Variants in THSD7A observed in about 807,000 individuals in gnomAD.
THSD7A encodes the protein thrombospondin type 1 domain containing 7A, also known as thrombospondin type-1 domain-containing protein 7A.
In THSD7A, 96 loss-of-function variants were observed where a neutral mutation model predicts 231.3. The observed-to-expected ratio is 0.41, with a 90% CI of 0.35 to 0.49. THSD7A has a LOEUF of 0.49. Ranked by LOEUF, THSD7A falls within the 20% of genes least tolerant of loss-of-function variation. The probability of loss-of-function intolerance (pLI) is 0.05; values close to 1 mark genes in which losing one functional copy is unlikely to be tolerated. For synonymous variants in THSD7A, 940 were observed against 743.3 expected, an observed-to-expected ratio of 1.26 and a Z score of -4.30; for missense variants, 2,290 against 2,070.2, an observed-to-expected ratio of 1.11 and a Z score of -2.06.
At chr7:11,731,214 AT>A (rs952415037) in intron 1 of THSD7A, among the ~76,000 whole-genome samples, 24 of 151,444 alleles carry the variant, frequency 1.6e-4, no homozygotes, top group African/African-American at 5.8e-4. Flanking sequence ...CTGTTGCCCT[AT>A]TACAGACATT....
chr7:11,670,417 A>C (rs1783337250), intron 1 of THSD7A, among the ~76,000 whole-genome samples: 2 of 152,228 alleles, frequency 1.3e-5, no homozygotes, highest in Admixed American at 1.3e-4. Context: ...ATCTGGTTGG[A>C]GCCCGAGTTC....
At chr7:11,597,425 C>T (rs1270208414) in intron 2 of THSD7A, among the ~76,000 whole-genome samples, 1 of 152,154 alleles carries the variant, frequency 6.6e-6, no homozygotes, top group Non-Finnish European at 1.5e-5. Flanking sequence ...CAGGAGAAGG[C>T]TCTGCAATGG....
intron 1 of THSD7A, among the ~76,000 whole-genome samples, chr7:11,645,459 T>G (rs773181672): frequency 6.6e-6 from 1 of 151,916 alleles, no homozygotes; most frequent in Non-Finnish European, 1.5e-5. Context: ...GATTAATAAG[T>G]ACACATGTAT....
chr7:11,436,588 A>G (rs916834854), intron 13 of THSD7A, among the ~76,000 whole-genome samples: 5 of 152,068 alleles, frequency 3.3e-5, no homozygotes, highest in Non-Finnish European at 1.5e-5. Context: ...TCACTGGACT[A>G]GAGAAATAGA....
Position 11,429,889 on chromosome 7 carries a change from C to T in THSD7A, c.3065-764G>A, listed in dbSNP as rs1370581168. 3.3e-5 allele frequency among the ~76,000 whole-genome samples: 5 copies of T among 152,140 alleles called. 1 individual carries two copies. The highest frequency in any genetic ancestry group is 2.1e-4 in the South Asian group (1 of 4,828). On this transcript the variant is annotated intron_variant, in intron 13 of 27. Transcript: ENST00000423059. Reference sequence around the variant, plus strand: ...ATTCCATCAAATCATCCAACCAATTCGATTAATAGTGCACAGATTTGTTTT... The same window carrying T: ...ATTCCATCAAATCATCCAACCAATTTGATTAATAGTGCACAGATTTGTTTT...
In THSD7A at chr7:11,590,399, G is replaced by C. The variant is rs147060106; in HGVS notation, c.1453+61C>G. The C allele has an allele frequency of 2.2e-3, 3,432 of 1,544,912 alleles. 8 individuals carry two copies. Among genetic ancestry groups the C allele is most frequent in the Admixed American group, 4.2e-3 (224 of 53,330 alleles). On this transcript the variant is annotated intron_variant, in intron 4 of 27. Transcript: ENST00000423059. This position sits in a 1 kb window ranked among gnomAD's most constrained non-coding sequence, Gnocchi z 4.4. ...GGATGGCTGTGTATATATCCCTTCA[G>C]AGCAATCACATGCTCAGTCAGTCTT...
chr7:11,607,745 G>C (rs1273652075), intron 2 of THSD7A, among the ~76,000 whole-genome samples: 3 of 152,004 alleles, frequency 2.0e-5, no homozygotes, highest in African/African-American at 4.8e-5. Context: ...AATTCTGTTG[G>C]AGGCAAAATG....
rs537708475 is a variant in THSD7A, at chr7:11,822,153, C to T, written c.190+9604G>A. On this transcript the variant is annotated intron_variant, in intron 1 of 27. Transcript: ENST00000423059. The stretch of plus-strand genomic sequence containing the variant: ...TCTAGGATATCCAAAATCCAACTAA[C>T]GCACATTGCACCCATTAGGTAATTT... Among the ~76,000 whole-genome samples, 172 of 152,194 alleles carry T rather than the reference C, an allele frequency of 1.1e-3. 1 individual carries two copies. Among genetic ancestry groups the T allele is most frequent in the African/African-American group, 3.9e-3 (162 of 41,518 alleles).
intron 26 of THSD7A, 44 bp from the exon 27 acceptor site, chr7:11,376,701 A>G (rs1339223967): frequency 1.1e-5 from 16 of 1,433,482 alleles, no homozygotes; most frequent in Non-Finnish European, 1.5e-5. Context: ...TTAGTCTGGT[A>G]TACATGAGGC....
At chr7:11,749,044 T>C (rs997150417) in intron 1 of THSD7A, among the ~76,000 whole-genome samples, 17 of 151,968 alleles carry the variant, frequency 1.1e-4, no homozygotes, top group Non-Finnish European at 1.5e-5. Context: ...TTGAGAGAGC[T>C]TGTTTAAACT....
chr7:11,506,076 C>A, intron 6 of THSD7A, among the ~76,000 whole-genome samples: 1 of 152,170 alleles, frequency 6.6e-6, no homozygotes, highest in Non-Finnish European at 1.5e-5. Flanking sequence ...GCAGCATCCT[C>A]AGTACATGCA....
chr7:11,724,012 C>A (rs1295574373), intron 1 of THSD7A, among the ~76,000 whole-genome samples: 1 of 151,794 alleles, frequency 6.6e-6, no homozygotes, highest in Non-Finnish European at 1.5e-5. Flanking sequence ...CGTTAAAAGG[C>A]AATTGCAACA....
In THSD7A at chr7:11,527,933, G is replaced by A. The variant is rs75671970; in HGVS notation, c.1822+13486C>T. 2.2e-3 allele frequency among the ~76,000 whole-genome samples: 332 copies of A among 152,224 alleles called. 1 individual carries two copies. The highest frequency in any genetic ancestry group is 7.0e-3 in the African/African-American group (290 of 41,558). On this transcript the variant is annotated intron_variant, in intron 6 of 27. Transcript: ENST00000423059. ...CTGTAGGAGGCCAAGTGGGAGGATT[G>A]GTTGATCCCAGGAGTTAGAGACCAT... is the stretch of plus-strand genomic sequence containing the variant.
intron 1 of THSD7A, among the ~76,000 whole-genome samples, chr7:11,701,804 A>T (rs747990170): frequency 5.3e-5 from 8 of 151,194 alleles, no homozygotes; most frequent in Non-Finnish European, 1.0e-4. Context: ...AATGACTGTA[A>T]ACCTTCCCTA....
intron 6 of THSD7A, among the ~76,000 whole-genome samples, chr7:11,518,720 G>A (rs1216222817): frequency 1.3e-5 from 2 of 151,958 alleles, no homozygotes; most frequent in Non-Finnish European, 1.5e-5. Context: ...TTGGTGCTCT[G>A]GAAAATTAAA....
intron 4 of THSD7A, among the ~76,000 whole-genome samples, chr7:11,564,061 T>G (rs1790193700): frequency 6.6e-6 from 1 of 152,200 alleles, no homozygotes. Context: ...CTTTTGGAGT[T>G]AGAGAAGGTC....
At chr7:11,428,406 T>G (rs1784384883) in intron 14 of THSD7A, among the ~76,000 whole-genome samples, 1 of 152,202 alleles carries the variant, frequency 6.6e-6, no homozygotes, top group South Asian at 2.1e-4. Flanking sequence ...CAAATAAAAT[T>G]GAAAATGGTC....
chr7:11,439,305 C>G (rs915579036), intron 13 of THSD7A, among the ~76,000 whole-genome samples: 1 of 151,918 alleles, frequency 6.6e-6, no homozygotes, highest in Admixed American at 6.6e-5. Flanking sequence ...CTTTGCAGAT[C>G]GTGCATTTTT....
chr7:11,598,636 G>A (rs1185985748), intron 2 of THSD7A, among the ~76,000 whole-genome samples: 1 of 152,200 alleles, frequency 6.6e-6, no homozygotes, highest in Non-Finnish European at 1.5e-5. Context: ...TTGCAGGGCT[G>A]GGGCAAAGTT....
Sources: allele counts gnomAD v4.1 joint callset (sites outside exome capture counted in the v4.1 genomes callset), GRCh38; gene constraint gnomAD v4.1.1; non-coding constraint Gnocchi (gnomAD v3.1); transcripts MANE v1.5; gene names NCBI Gene and HGNC (gene_info 2026-07-23, HGNC 2026-07-21).